ANKIB1: variants seen among roughly 807,000 people sequenced by gnomAD.
ANKIB1 encodes ankyrin repeat and IBR domain containing 1, also known as ankyrin repeat and IBR domain-containing protein 1.
ANKIB1 carries 43 observed loss-of-function variants against 122.1 expected under a neutral mutation model. The ratio of observed to expected loss-of-function variants is 0.35; its 90% CI spans 0.28 to 0.45. The LOEUF (loss-of-function observed/expected upper bound fraction) is 0.45. Among genes scored for constraint, ANKIB1 ranks in the 20% least tolerant of loss-of-function variants. ANKIB1 has a pLI of 1.00. For synonymous variants in ANKIB1, 390 were observed against 442.0 expected (o/e 0.88, Z 1.48); for missense variants, 992 against 1,329.5 (o/e 0.75, Z 3.95).
intron 4 of ANKIB1, among the ~76,000 whole-genome samples, chr7:92,326,868 C>T (rs1237044831): frequency 1.3e-5 from 2 of 152,012 alleles, no homozygotes; most frequent in African/African-American, 2.4e-5. Flanking sequence ...GGCTATTCAC[C>T]GGCATGTTTA....
At chr7:92,336,992 A>T (rs1468310350) in intron 5 of ANKIB1, among the ~76,000 whole-genome samples, 4 of 152,148 alleles carry the variant, frequency 2.6e-5, no homozygotes, top group African/African-American at 2.4e-5. Flanking sequence ...TTTTCTTAAG[A>T]TTACCAGGAG....
At chr7:92,395,873 T>G (rs1978349) in intron 17 of ANKIB1, 22,807 of 155,906 alleles carry the variant, frequency 0.15, 2,076 homozygotes, top group East Asian at 0.38. Context: ...TCATATCCAG[T>G]TTCAATGGCT....
chr7:92,296,454 A>C (rs1347483564), intron 2 of ANKIB1, among the ~76,000 whole-genome samples: 1 of 151,996 alleles, frequency 6.6e-6, no homozygotes, highest in Admixed American at 6.6e-5. Flanking sequence ...TTGTACTCCT[A>C]GCCTCAAGCC....
intron 2 of ANKIB1, among the ~76,000 whole-genome samples, chr7:92,306,938 A>G (rs762812473): frequency 6.6e-6 from 1 of 152,228 alleles, no homozygotes; most frequent in Non-Finnish European, 1.5e-5. Context: ...TATGCAACAA[A>G]TAGATCAGAG....
At chr7:92,372,385 A>G (rs1804288338) in intron 11 of ANKIB1, among the ~76,000 whole-genome samples, 1 of 152,184 alleles carries the variant, frequency 6.6e-6, no homozygotes, top group Non-Finnish European at 1.5e-5. Flanking sequence ...GTATGCAAAT[A>G]ATACACCATT....
intron 1 of ANKIB1, among the ~76,000 whole-genome samples, chr7:92,267,565 G>T (rs1459867412): frequency 6.6e-6 from 1 of 151,942 alleles, no homozygotes; most frequent in Non-Finnish European, 1.5e-5. Flanking sequence ...TATTTGTCTT[G>T]TATATCTTTG....
At chr7:92,386,741 TTAA>T in intron 12 of ANKIB1, 98 bp downstream of exon 12, 1 of 1,143,594 alleles carries the variant, frequency 8.7e-7, no homozygotes, top group Non-Finnish European at 1.2e-6. Flanking sequence ...TAATAAAGTA[TTAA>T]ATTGAATATA....
intron 1 of ANKIB1, among the ~76,000 whole-genome samples, chr7:92,287,919 C>A (rs1022594514): frequency 3.3e-5 from 5 of 151,834 alleles, no homozygotes; most frequent in African/African-American, 1.2e-4. Flanking sequence ...GCCTGTAGTC[C>A]CAGCTACTTG....
At chr7:92,333,473 C>G (rs1038974204) in intron 5 of ANKIB1, among the ~76,000 whole-genome samples, 1 of 152,320 alleles carries the variant, frequency 6.6e-6, no homozygotes, top group African/African-American at 2.4e-5. Context: ...AACTCCCACT[C>G]ATCTTTAGAT....
intron 7 of ANKIB1, among the ~76,000 whole-genome samples, chr7:92,346,931 C>G (rs1227338933): frequency 6.6e-6 from 1 of 152,184 alleles, no homozygotes; most frequent in African/African-American, 2.4e-5. Flanking sequence ...TTCTAGCCTA[C>G]CTAGGATTCT....
chr7:92,376,584 G>T (rs1804388370), intron 11 of ANKIB1, among the ~76,000 whole-genome samples: 1 of 151,866 alleles, frequency 6.6e-6, no homozygotes, highest in African/African-American at 2.4e-5. Context: ...GAGTAGCTAG[G>T]ATTACAGGCG....
chr7:92,397,498 A>G (rs1398377071), intron 18 of ANKIB1, among the ~76,000 whole-genome samples: 4 of 152,100 alleles, frequency 2.6e-5, no homozygotes, highest in African/African-American at 9.7e-5. Context: ...AAAAAAAAAA[A>G]AGTAAAAAGT....
At chr7:92,302,762 A>G (rs1802482445) in intron 2 of ANKIB1, among the ~76,000 whole-genome samples, 1 of 152,094 alleles carries the variant, frequency 6.6e-6, no homozygotes, top group East Asian at 1.9e-4. Context: ...CTGTTTTTTG[A>G]CTGTTTTATA....
chr7:92,255,297 A>G (rs1404334253), intron 1 of ANKIB1, among the ~76,000 whole-genome samples: 1 of 152,198 alleles, frequency 6.6e-6, no homozygotes, highest in Admixed American at 6.5e-5. Flanking sequence ...TTCTAATCAA[A>G]TAGTAATCAT....
At chr7:92,370,508 CAAAAAAAAAAAAAAAAAA>C (rs34318038) in intron 10 of ANKIB1, among the ~76,000 whole-genome samples, 11 of 32,970 alleles carry the variant, frequency 3.3e-4, no homozygotes, top group East Asian at 1.1e-3. Flanking sequence ...ACTCTTGTCT[CAAAAAAAAAAAAAAAAAA>C]AAAAAAAAAA....
intron 1 of ANKIB1, among the ~76,000 whole-genome samples, chr7:92,251,631 C>G (rs578106431): frequency 1.3e-5 from 2 of 152,302 alleles, no homozygotes; most frequent in African/African-American, 4.8e-5. Flanking sequence ...CCCTCTCTCT[C>G]TCTGTCTCCA....
intron 8 of ANKIB1, among the ~76,000 whole-genome samples, chr7:92,352,218 A>G (rs1803680591): frequency 6.6e-6 from 1 of 152,170 alleles, no homozygotes; most frequent in South Asian, 2.1e-4. Flanking sequence ...CTTTATCATC[A>G]TTTACATGGT....
chr7:92,383,761 A>G lies in ANKIB1; in HGVS notation c.1618-2748A>G, dbSNP rs1011004735. Reference sequence around the variant, plus strand: ...GATCTCAAAATAATAAGAGCTATTTATGACAAACCCACAGCCAGTATGATA... The same window carrying G: ...GATCTCAAAATAATAAGAGCTATTTGTGACAAACCCACAGCCAGTATGATA... On this transcript the variant is annotated intron_variant, in intron 11 of 19. Transcript: ENST00000265742. 3.3e-5 allele frequency among the ~76,000 whole-genome samples: 5 copies of G among 152,358 alleles called. No individual in the cohort carries two copies. The East Asian group carries it at 9.6e-4, about 29-fold the overall frequency.
intron 11 of ANKIB1, among the ~76,000 whole-genome samples, chr7:92,372,886 G>A (rs1804304603): frequency 6.6e-6 from 1 of 151,732 alleles, no homozygotes; most frequent in African/African-American, 2.4e-5. Context: ...AGAGGAAAGT[G>A]TATTTTTTTT....
Sources: gnomAD v4.1 joint callset for allele counts (sites outside exome capture counted in the v4.1 genomes callset) on GRCh38, gnomAD v4.1.1 for gene constraint, MANE v1.5 for transcripts, NCBI Gene and HGNC (gene_info 2026-07-23, HGNC 2026-07-21) for gene names.